The following STAM2 variants were observed in gnomAD, a reference collection of about 807,000 sequenced individuals.
STAM2 encodes signal transducing adaptor molecule 2.
Under a neutral mutation model 65.6 loss-of-function variants are expected in STAM2, and 51 were observed. That is an observed-to-expected ratio of 0.78 (90% CI 0.62 to 0.98). STAM2 has a LOEUF of 0.98. STAM2 is among the 50% of genes least tolerant of loss of function. STAM2 has a pLI of 0.00. For synonymous variants in STAM2, 198 were observed against 208.4 expected (o/e 0.95, Z 0.43); for missense variants, 584 against 617.8 (o/e 0.95, Z 0.58).
intron 1 of STAM2, among the ~76,000 whole-genome samples, chr2:152,154,727 A>C (rs1689511471): frequency 6.6e-6 from 1 of 152,216 alleles, no homozygotes; most frequent in Admixed American, 6.5e-5. Flanking sequence ...TAACATTGTG[A>C]TCATACTAAA....
Position 152,126,325 on chromosome 2 carries a change from T to C in STAM2, c.1080A>G (p.Leu360=), listed in dbSNP as rs779676100. The change falls in exon 12 of 14, where the codon CTA becomes CTG. Residue 360 remains leucine, a synonymous_variant. Coordinates refer to ENST00000263904, the MANE Select transcript of STAM2 (RefSeq NM_005843.6). ...GTGCTTCATTCACCAATTTGTTATA[T>C]AGTTCCAGAGCTTCCAGGACTTTAA... is the stretch of plus-strand genomic sequence containing the variant. The part of the protein sequence containing the change: ...LNVKVLEALE[L]YNKLVNEAPV... 19 of 1,605,038 alleles carry C rather than the reference T, an allele frequency of 1.2e-5. No individual in the cohort carries two copies. Among genetic ancestry groups the C allele is most frequent in the Non-Finnish European group, 1.6e-5 (19 of 1,175,662 alleles).
intron 2 of STAM2, 114 bp from the exon 3 acceptor site, chr2:152,148,414 A>G (rs2105549488): frequency 1.2e-6 from 1 of 852,244 alleles, no homozygotes; most frequent in Non-Finnish European, 1.8e-6. Flanking sequence ...TCATGCCTGT[A>G]ATTCCAACAC....
At chr2:152,155,751 G>T (rs1689530571) in intron 1 of STAM2, among the ~76,000 whole-genome samples, 1 of 152,138 alleles carries the variant, frequency 6.6e-6, no homozygotes. Flanking sequence ...TGAATTACCT[G>T]AAGATTAAAT....
At chr2:152,152,014 A>T (rs1413532501) in intron 1 of STAM2, among the ~76,000 whole-genome samples, 1 of 151,964 alleles carries the variant, frequency 6.6e-6, no homozygotes, top group Non-Finnish European at 1.5e-5. Flanking sequence ...ATCACAACTC[A>T]CTGCAGCCTT....
chr2:152,171,305 T>C (rs1183775534), intron 1 of STAM2, among the ~76,000 whole-genome samples: 1 of 152,160 alleles, frequency 6.6e-6, no homozygotes, highest in African/African-American at 2.4e-5. Context: ...GTTCATATTT[T>C]CTATTTTATG....
chr2:152,161,260 G>A (rs3963509), intron 1 of STAM2, among the ~76,000 whole-genome samples: 91,088 of 149,346 alleles, frequency 0.61, 29,353 homozygotes, highest in East Asian at 0.87. Context: ...GATTAAGGGC[G>A]GTGCAAGATG....
intron 1 of STAM2, among the ~76,000 whole-genome samples, chr2:152,150,522 G>C (rs965923663): frequency 1.3e-5 from 2 of 152,208 alleles, no homozygotes; most frequent in African/African-American, 4.8e-5. Context: ...TATAATCCAG[G>C]CCGGGCATGG....
chr2:152,122,043 G>A (rs952680055), intron 13 of STAM2, among the ~76,000 whole-genome samples: 2 of 140,862 alleles, frequency 1.4e-5, no homozygotes, highest in African/African-American at 2.7e-5. Context: ...GTGAGACTCC[G>A]TCCCCAAAAA....
chr2:152,168,818 G>GA (rs1193822694), intron 1 of STAM2, among the ~76,000 whole-genome samples: 2 of 152,160 alleles, frequency 1.3e-5, no homozygotes, highest in South Asian at 2.1e-4. Flanking sequence ...AAACAGTGGG[G>GA]AAAAAACAGA....
intron 8 of STAM2, 62 bp from the exon 9 acceptor site, chr2:152,133,546 T>G: frequency 1.5e-6 from 2 of 1,292,174 alleles, no homozygotes; most frequent in Admixed American, 3.8e-5. Flanking sequence ...AGTCATTAAT[T>G]TATAAGTGGC....
At chr2:152,125,875 T>A (rs1688955101) in intron 12 of STAM2, 1 of 159,982 alleles carries the variant, frequency 6.3e-6, no homozygotes, top group Non-Finnish European at 1.4e-5. Context: ...GGTATTGTCC[T>A]AAATCAAAAG....
chr2:152,170,633 T>G (rs946068308), intron 1 of STAM2, among the ~76,000 whole-genome samples: 1 of 152,208 alleles, frequency 6.6e-6, no homozygotes, highest in Admixed American at 6.5e-5. Flanking sequence ...TATAGTAGTA[T>G]AGTATCACGC....
At chr2:152,157,434 G>C (rs1689574763) in intron 1 of STAM2, among the ~76,000 whole-genome samples, 1 of 152,160 alleles carries the variant, frequency 6.6e-6, no homozygotes, top group African/African-American at 2.4e-5. Flanking sequence ...CAAAAGGATG[G>C]GACCCTGATC....
At chr2:152,140,227 AG>A (rs1689220143) in intron 7 of STAM2, among the ~76,000 whole-genome samples, 1 of 152,218 alleles carries the variant, frequency 6.6e-6, no homozygotes, top group African/African-American at 2.4e-5. Context: ...CGGGTTTTGA[AG>A]GTTAAGTAGG....
At chr2:152,169,259 T>C (rs914792786) in intron 1 of STAM2, among the ~76,000 whole-genome samples, 20 of 152,086 alleles carry the variant, frequency 1.3e-4, no homozygotes, top group Admixed American at 1.3e-3. Context: ...TATTTTTTGG[T>C]GTTGGTTTTT....
chr2:152,142,018 T>C (rs927452314), intron 7 of STAM2, among the ~76,000 whole-genome samples: 10 of 152,262 alleles, frequency 6.6e-5, no homozygotes, highest in African/African-American at 2.4e-4. Flanking sequence ...AGTCATTTTC[T>C]GGATGACTTC....
At position 152,120,417 on chromosome 2, in the gene STAM2, C is replaced by G; in HGVS notation, c.*157G>C. 2.4e-6 allele frequency: 1 copy of G among 412,310 alleles called. No individual in the cohort carries two copies. The highest frequency in any genetic ancestry group is 4.1e-5 in the Admixed American group (1 of 24,290). The allele number at this position is 412,310 out of a possible 1,614,324, so 25.5% of individuals were successfully genotyped here. A position where few individuals can be genotyped will look rare whatever the true frequency, so the allele number is the denominator to read the frequency against. The stretch of plus-strand genomic sequence containing the variant: ...ACTGAAAAAAAAAAAAAAAAAAAAC[C>G]TTTTATGGCCTTGTAGAATAAGAGA... On this transcript the variant is annotated 3_prime_UTR_variant, in exon 14 of 14. Coordinates refer to ENST00000263904, the MANE Select transcript of STAM2 (RefSeq NM_005843.6).
rs1236236356 is a variant in STAM2, at chr2:152,144,165, G to A, written c.518-152C>T. Reference sequence around the variant, plus strand: ...ACTTTCGGGAGGGTGGGGCAGGGCAGGGAACCATGACATTTTTAAAATAAA... The same window carrying A: ...ACTTTCGGGAGGGTGGGGCAGGGCAAGGAACCATGACATTTTTAAAATAAA... On this transcript the variant is annotated intron_variant, in intron 6 of 13. Coordinates refer to ENST00000263904, the MANE Select transcript of STAM2 (RefSeq NM_005843.6). 9.2e-6 allele frequency: 6 copies of A among 651,154 alleles called. No individual in the cohort carries two copies. The African/African-American group carries it at 1.1e-4, about 12-fold the overall frequency. The allele number at this position is 651,154 out of a possible 1,614,324, so 40.3% of individuals were successfully genotyped here. A position where few individuals can be genotyped will look rare whatever the true frequency, so the allele number is the denominator to read the frequency against.
intron 1 of STAM2, among the ~76,000 whole-genome samples, chr2:152,162,491 A>AAT (rs1166411480): frequency 6.6e-6 from 1 of 152,204 alleles, no homozygotes; most frequent in African/African-American, 2.4e-5. Context: ...GAGGCAGGAG[A>AAT]ATACATGAGC....
Sources: gnomAD v4.1 joint callset for allele counts (sites outside exome capture counted in the v4.1 genomes callset) on GRCh38, gnomAD v4.1.1 for gene constraint, MANE v1.5 for transcripts, NCBI Gene and HGNC (gene_info 2026-07-23, HGNC 2026-07-21) for gene names.